Variants in SHANK2 observed in about 807,000 individuals in gnomAD.
SHANK2 encodes SH3 and multiple ankyrin repeat domains 2, also known as SH3 and multiple ankyrin repeat domains protein 2.
Under a neutral mutation model 133.7 loss-of-function variants are expected in SHANK2, and 43 were observed. The observed-to-expected ratio is 0.32, with a 90% CI of 0.25 to 0.41. The LOEUF is 0.41. Among genes scored for constraint, SHANK2 ranks in the 10% least tolerant of loss-of-function variants. The probability of loss-of-function intolerance (pLI) is 1.00; values close to 1 mark genes in which losing one functional copy is unlikely to be tolerated. For synonymous variants in SHANK2, 1,017 were observed against 952.8 expected (o/e 1.07, Z -1.24); for missense variants, 1,994 against 2,235.8 (o/e 0.89, Z 2.18).
intron 14 of SHANK2, among the ~76,000 whole-genome samples, chr11:70,760,949 C>A (rs895208): frequency 6.6e-6 from 1 of 152,012 alleles, no homozygotes; most frequent in Non-Finnish European, 1.5e-5. Context: ...AGGTGATGGT[C>A]CCCTGGAGGA....
In SHANK2 at chr11:70,489,762, G is replaced by A. The variant is rs554170571; in HGVS notation, c.2552-414C>T. The A allele has an allele frequency of 1.0e-5, 3 of 293,694 alleles. No homozygotes were observed. In the South Asian group the frequency reaches 1.3e-4, roughly 13 times the overall value. 18.2% of individuals were successfully genotyped at this position (293,694 alleles called of 1,614,324 possible). ...ACCTTTGCCTGCAACAGGGTCAATA[G>A]GAATAATTGTGACATTAAGAAGAAA... On this transcript the variant is annotated intron_variant, in intron 23 of 25. Coordinates refer to ENST00000601538, the MANE Select transcript of SHANK2 (RefSeq NM_012309.5).
intron 17 of SHANK2, among the ~76,000 whole-genome samples, chr11:70,653,703 T>C (rs181905162): frequency 1.4e-4 from 21 of 152,194 alleles, no homozygotes; most frequent in Non-Finnish European, 2.6e-4. Context: ...TGAGATGAAC[T>C]GGGCTCTCAG....
chr11:71,141,375 A>C (rs2135383019), intron 3 of SHANK2, among the ~76,000 whole-genome samples: 1 of 152,124 alleles, frequency 6.6e-6, no homozygotes. Context: ...ATGGTGGGTA[A>C]CTGTAATCCC....
At chr11:71,145,892 T>C (rs1555106611) in intron 3 of SHANK2, among the ~76,000 whole-genome samples, 1 of 152,162 alleles carries the variant, frequency 6.6e-6, no homozygotes, top group African/African-American at 2.4e-5. Flanking sequence ...CCTCTCCCCA[T>C]TCCTTTAACC....
intron 17 of SHANK2, among the ~76,000 whole-genome samples, chr11:70,551,488 G>A (rs907520509): frequency 2.0e-5 from 3 of 152,142 alleles, no homozygotes; most frequent in South Asian, 4.1e-4. Context: ...CTCTGATGGC[G>A]ACCGCATGCC....
rs979401346 is a variant in SHANK2 at position 70,830,883 on chromosome 11, C to A, written c.1175-10201G>T. Reference sequence around the variant, plus strand: ...TGCTGCACCCACATAGGTTTCCACGCATTGGAGCCCAAATGCCCACAGCAT... The same window carrying A: ...TGCTGCACCCACATAGGTTTCCACGAATTGGAGCCCAAATGCCCACAGCAT... On this transcript the variant is annotated intron_variant, in intron 11 of 25. Coordinates refer to ENST00000601538, the MANE Select transcript of SHANK2 (RefSeq NM_012309.5). This position sits in a 1 kb window ranked among gnomAD's most constrained non-coding sequence, Gnocchi z 4.4. Among the ~76,000 whole-genome samples the A allele has an allele frequency of 1.3e-5, 2 of 152,218 alleles. No homozygotes were observed. The highest frequency in any genetic ancestry group is 2.4e-5 in the African/African-American group (1 of 41,448).
chr11:71,108,940 C>T lies in SHANK2; in HGVS notation c.592+1001G>A, dbSNP rs1005599553. Among the ~76,000 whole-genome samples the T allele has an allele frequency of 2.6e-5, 4 of 152,152 alleles. No individual in the cohort carries two copies. In the East Asian group the frequency reaches 5.8e-4, roughly 22 times the overall value. ...AGGCTGAATCCACACCCAGCGGGCC[C>T]CCCCCCAGCGTTCAGAGGTCGAGGG... On this transcript the variant is annotated intron_variant, in intron 6 of 25. Coordinates refer to ENST00000601538, the MANE Select transcript of SHANK2 (RefSeq NM_012309.5).
intron 14 of SHANK2, among the ~76,000 whole-genome samples, chr11:70,723,581 A>G (rs1946113284): frequency 6.6e-6 from 1 of 152,222 alleles, no homozygotes; most frequent in Non-Finnish European, 1.5e-5. Context: ...GCTCAGCTAA[A>G]GCATGCCTCT....
At chr11:71,071,600 TCAG>T (rs1951142808) in intron 9 of SHANK2, among the ~76,000 whole-genome samples, 2 of 152,320 alleles carry the variant, frequency 1.3e-5, no homozygotes, top group Admixed American at 1.3e-4. Context: ...GAGGGAGTCA[TCAG>T]CAGAAGGCTT....
intron 15 of SHANK2, among the ~76,000 whole-genome samples, chr11:70,678,324 G>C (rs1249830027): frequency 6.6e-6 from 1 of 151,846 alleles, no homozygotes; most frequent in African/African-American, 2.4e-5. Flanking sequence ...TGTAGAGATG[G>C]GGTCTCGCTT....
intron 17 of SHANK2, among the ~76,000 whole-genome samples, chr11:70,526,673 A>G (rs1320196278): frequency 1.3e-5 from 2 of 152,206 alleles, no homozygotes; most frequent in Non-Finnish European, 2.9e-5. Flanking sequence ...GCTGGTCACA[A>G]TGCCACCTCG....
chr11:71,211,095 G>T (rs1954268406), intron 2 of SHANK2, among the ~76,000 whole-genome samples: 1 of 151,310 alleles, frequency 6.6e-6, no homozygotes, highest in Non-Finnish European at 1.5e-5. Flanking sequence ...CACGATGACA[G>T]CTCCCTGAGA....
chr11:70,950,613 A>AT lies in SHANK2; in HGVS notation c.1108-54047dup, dbSNP rs374317006. 6.6e-3 allele frequency among the ~76,000 whole-genome samples: 970 copies of AT among 146,882 alleles called. 8 individuals are homozygous for AT. The highest frequency in any genetic ancestry group is 0.023 in the African/African-American group (915 of 39,962). On this transcript the variant is annotated intron_variant, in intron 10 of 25. Coordinates refer to ENST00000601538, the MANE Select transcript of SHANK2 (RefSeq NM_012309.5). ...ACACCAGTGATTAAATTTCAACACA[A>AT]TTTTTTTTTTCTCAGACAGGATCTC...
chr11:70,947,352 C>T (rs1950763056), intron 10 of SHANK2, among the ~76,000 whole-genome samples: 1 of 96,424 alleles, frequency 1.0e-5, no homozygotes, highest in South Asian at 3.7e-4. Context: ...CTGACATCTA[C>T]ATTTTTTTTT....
In SHANK2 at chr11:70,621,370, C is replaced by T. The variant is rs1192198240; in HGVS notation, c.2061+38458G>A. On this transcript the variant is annotated intron_variant, in intron 17 of 25. Transcript: ENST00000601538. ...CAGGTGGAACATGCGAAGCAGAACC[C>T]AGACCAGCTTGGAGCCCAGCACTGC... Among the ~76,000 whole-genome samples the T allele has an allele frequency of 7.2e-5, 11 of 152,236 alleles. No individual in the cohort carries two copies. The East Asian group carries it at 2.1e-3, about 29-fold the overall frequency.
At chr11:70,725,616 A>T (rs143201839) in intron 14 of SHANK2, among the ~76,000 whole-genome samples, 1 of 152,344 alleles carries the variant, frequency 6.6e-6, no homozygotes, top group Non-Finnish European at 1.5e-5. Context: ...CCAATACCGC[A>T]CGATCCCAAG....
chr11:70,584,565 C>T (rs921238934), intron 17 of SHANK2, among the ~76,000 whole-genome samples: 2 of 152,136 alleles, frequency 1.3e-5, no homozygotes, highest in South Asian at 4.1e-4. Context: ...AGGCCCTAGG[C>T]CCCAGAGCTC....
chr11:71,066,662 T>C (rs939080315), intron 9 of SHANK2, among the ~76,000 whole-genome samples: 1,764 of 152,274 alleles, frequency 0.012, 26 homozygotes, highest in African/African-American at 0.037. Context: ...CACTCCAAAG[T>C]GTAAATCAGG....
chr11:71,061,561 T>C (rs1950986204), intron 9 of SHANK2, among the ~76,000 whole-genome samples: 1 of 152,164 alleles, frequency 6.6e-6, no homozygotes, highest in Non-Finnish European at 1.5e-5. Flanking sequence ...AGAATGAGCT[T>C]AGTGCACTGT....
Sources: gnomAD v4.1 joint callset for allele counts (sites outside exome capture counted in the v4.1 genomes callset) on GRCh38, gnomAD v4.1.1 for gene constraint, Gnocchi (gnomAD v3.1) non-coding constraint, MANE v1.5 for transcripts, NCBI Gene and HGNC (gene_info 2026-07-23, HGNC 2026-07-21) for gene names.